The following FAM111B variants were observed in gnomAD, a reference collection of about 807,000 sequenced individuals.
The protein encoded by FAM111B is FAM111 trypsin like peptidase B.
A neutral mutation model predicts 2.8 loss-of-function variants in FAM111B; 1 was observed. The ratio of observed to expected loss-of-function variants is 0.36; its 90% CI spans 0.13 to 1.70. The LOEUF is 1.70. FAM111B is among the 40% of genes most tolerant of loss of function. The probability of loss-of-function intolerance (pLI) is 0.35; values close to 1 mark genes in which losing one functional copy is unlikely to be tolerated. For missense variants in FAM111B, 882 were observed against 878.9 expected (o/e 1.00, Z -0.04); for synonymous variants, 297 against 295.6 (o/e 1.00, Z -0.05).
At chr11:59,109,937 C>T in intron 3 of FAM111B, 1 of 315,112 alleles carries the variant, frequency 3.2e-6, no homozygotes, top group Non-Finnish European at 5.9e-6. Flanking sequence ...ACAATATAGA[C>T]ACTTAAAGTC....
At chr11:59,118,016 T>G (rs779961857) in intron 3 of FAM111B, among the ~76,000 whole-genome samples, 4 of 152,172 alleles carry the variant, frequency 2.6e-5, no homozygotes, top group African/African-American at 4.8e-5. Flanking sequence ...CTCTAGAGGT[T>G]TCTCATTGGT....
intron 3 of FAM111B, among the ~76,000 whole-genome samples, chr11:59,120,383 G>A (rs1009467218): frequency 1.1e-4 from 16 of 152,182 alleles, no homozygotes; most frequent in African/African-American, 3.9e-4. Flanking sequence ...AATCTCCAAG[G>A]TGATGGCATT....
chr11:59,108,818 C>T (rs1859708825), intron 2 of FAM111B, 106 bp downstream of exon 2: 1 of 152,168 alleles, frequency 6.6e-6, no homozygotes, highest in African/African-American at 2.4e-5. Context: ...TATTTATCCA[C>T]TTTTTAAGTG....
In FAM111B at chr11:59,124,926, A is replaced by G; in HGVS notation, c.829A>G (p.Lys277Glu). The change falls in exon 4 of 4, where the codon AAA becomes GAA. Residue 277 changes from lysine to glutamate, a missense_variant. Physicochemically the swap from Lys to Glu is moderately conservative, Grantham distance 56. Coordinates refer to ENST00000343597, the MANE Select transcript of FAM111B (RefSeq NM_198947.4). ...TTCAAAAAAAAAAGCATTACAACAG[A>G]AAGATATCCATAAAAAAATTAAACA... ...DISKKKALQQ[K>E]DIHKKIKQNE... 6.2e-7 allele frequency: 1 copy of G among 1,605,870 alleles called. No individual in the cohort carries two copies. Among genetic ancestry groups the G allele is most frequent in the Non-Finnish European group, 8.5e-7 (1 of 1,177,872 alleles).
intron 3 of FAM111B, among the ~76,000 whole-genome samples, chr11:59,118,255 T>C (rs2135399996): frequency 6.6e-6 from 1 of 152,280 alleles, no homozygotes; most frequent in East Asian, 1.9e-4. Context: ...GTGTGAATCA[T>C]CCTTAGGTTC....
In FAM111B at chr11:59,125,227, A is replaced by C; in HGVS notation, c.1130A>C (p.Asn377Thr). The C allele has an allele frequency of 1.2e-6, 2 of 1,613,986 alleles. No individual in the cohort carries two copies. The highest frequency in any genetic ancestry group is 1.1e-5 in the South Asian group (1 of 91,064). Residue 377 changes from asparagine to threonine, a missense_variant, in exon 4 of 4, where the codon AAT becomes ACT. Transcript: ENST00000343597. ...RPHLGRRYAINLDVQKEAINL... is the reference protein window; with the variant it reads ...RPHLGRRYAITLDVQKEAINL... ...CATCTGGGTAGGCGGTATGCTATTA[A>C]TCTGGATGTCCAAAAGGAGGCAATT...
chr11:59,111,588 A>T (rs1859759266), intron 3 of FAM111B, among the ~76,000 whole-genome samples: 1 of 152,218 alleles, frequency 6.6e-6, no homozygotes. Context: ...ATTTAAATTC[A>T]ACTTAACTAA....
At chr11:59,116,802 C>G (rs1212858145) in intron 3 of FAM111B, among the ~76,000 whole-genome samples, 1 of 152,200 alleles carries the variant, frequency 6.6e-6, no homozygotes, top group Non-Finnish European at 1.5e-5. Flanking sequence ...TTTCAAGAAA[C>G]CCCCAGGTGA....
At chr11:59,118,530 C>T (rs1048520691) in intron 3 of FAM111B, among the ~76,000 whole-genome samples, 3 of 152,212 alleles carry the variant, frequency 2.0e-5, no homozygotes, top group African/African-American at 7.2e-5. Flanking sequence ...TAATTTCTTT[C>T]TGATCCAGAT....
At position 59,124,860 on chromosome 11, in the gene FAM111B, A is replaced by G. The variant is rs763871323; in HGVS notation, c.763A>G (p.Met255Val). The change falls in exon 4 of 4, where the codon ATG becomes GTG. Residue 255 changes from methionine to valine, a missense_variant. By Grantham distance (21) the Met-to-Val change is conservative (BLOSUM62 1). Transcript: ENST00000343597. ...TAAGAAAATTTATGGAAAACAGTCCATGGTGGATGAAGTATCTGGAAAAGT... is the reference window on the plus strand; with the variant it reads ...TAAGAAAATTTATGGAAAACAGTCCGTGGTGGATGAAGTATCTGGAAAAGT... ...GHKKIYGKQS[M>V]VDEVSGKVLE... 1.9e-6 allele frequency: 3 copies of G among 1,613,168 alleles called. No individual in the cohort carries two copies. Among genetic ancestry groups the G allele is most frequent in the Non-Finnish European group, 1.7e-6 (2 of 1,179,622 alleles).
Position 59,126,622 on chromosome 11 carries a change from T to C in FAM111B, c.*320T>C, listed in dbSNP as rs930300478. ...AACAAACACTTTTCAAAAGAAGATA[T>C]ACACATGGCCAACAAGGATATGAAA... On this transcript the variant is annotated 3_prime_UTR_variant, in exon 4 of 4. Coordinates refer to ENST00000343597, the MANE Select transcript of FAM111B (RefSeq NM_198947.4). The C allele has an allele frequency of 9.8e-6, 2 of 204,410 alleles. No individual in the cohort carries two copies. Among genetic ancestry groups the C allele is most frequent in the Admixed American group, 1.2e-4 (2 of 16,836 alleles). The allele number at this position is 204,410 out of a possible 1,614,324, so 12.7% of individuals were successfully genotyped here.
In FAM111B at chr11:59,126,492, CTA is replaced by C. The variant is rs986069899; in HGVS notation, c.*192_*193del. The C allele has an allele frequency of 1.4e-4, 68 of 474,308 alleles. 1 individual carries two copies. In the Admixed American group the frequency reaches 1.5e-3, roughly 10 times the overall value. The allele number at this position is 474,308 out of a possible 1,614,324, so 29.4% of individuals were successfully genotyped here. A position where few individuals can be genotyped will look rare whatever the true frequency, so the allele number is the denominator to read the frequency against. Reference sequence around the variant, plus strand: ...CGGAATGGGAGAAAATATTTGCAAACTATGCATACAGCAAAGATCTAATATTC... The same window carrying C: ...CGGAATGGGAGAAAATATTTGCAAACTGCATACAGCAAAGATCTAATATTC... On this transcript the variant is annotated 3_prime_UTR_variant, in exon 4 of 4. Coordinates refer to ENST00000343597, the MANE Select transcript of FAM111B (RefSeq NM_198947.4).
rs756262360 is a variant in FAM111B at position 59,124,919 on chromosome 11, A to G, written c.822A>G (p.Leu274=). ...LEMDISKKKA[L]QQKDIHKKIK... ...TGGACATTTCAAAAAAAAAAGCATT[A>G]CAACAGAAAGATATCCATAAAAAAA... is the stretch of plus-strand genomic sequence containing the variant. Residue 274 remains leucine, a synonymous_variant, in exon 4 of 4, where the codon TTA becomes TTG. Transcript: ENST00000343597. 3 of 1,601,166 alleles carry G rather than the reference A, an allele frequency of 1.9e-6. No individual in the cohort carries two copies. Among genetic ancestry groups the G allele is most frequent in the Admixed American group, 3.5e-5 (2 of 56,962 alleles).
intron 3 of FAM111B, among the ~76,000 whole-genome samples, chr11:59,114,291 G>A (rs776323745): frequency 3.8e-4 from 58 of 152,286 alleles, no homozygotes; most frequent in Middle Eastern, 6.8e-3. Context: ...GTGGACAGGG[G>A]CCAGAACACT....
rs1859826021 is a variant in FAM111B, at chr11:59,115,567, G to C, written c.81+5861G>C. Among the ~76,000 whole-genome samples, 4 of 152,358 alleles carry C rather than the reference G, an allele frequency of 2.6e-5. No individual in the cohort carries two copies. The South Asian group carries it at 8.3e-4, about 32-fold the overall frequency. ...TACAAGGGAGACAGCACTGGAGTGA[G>C]AGTTCTCCAGATGGCTCCCCAAGGA... On this transcript the variant is annotated intron_variant, in intron 3 of 3. Coordinates refer to ENST00000343597, the MANE Select transcript of FAM111B (RefSeq NM_198947.4).
chr11:59,111,573 T>A (rs1173649423), intron 3 of FAM111B, among the ~76,000 whole-genome samples: 5 of 152,182 alleles, frequency 3.3e-5, no homozygotes, highest in African/African-American at 4.8e-5. Context: ...ATTATGTAAA[T>A]TTAAATTTAA....
At chr11:59,109,488 CCA>C in intron 2 of FAM111B, 50 bp from the exon 3 acceptor site, 1 of 561,236 alleles carries the variant, frequency 1.8e-6, no homozygotes, top group South Asian at 2.4e-5. Flanking sequence ...CACCTGATCT[CCA>C]GTGTTTGAAA....
rs1859973293 is a variant in FAM111B at position 59,124,344 on chromosome 11, T to G, written c.247T>G (p.Phe83Val). Reference sequence around the variant, plus strand: ...GAACAATAAAGAATGTTGTTTCACCTTTACGTTGAATGGAAACTCCAGAAA... The same window carrying G: ...GAACAATAAAGAATGTTGTTTCACCGTTACGTTGAATGGAAACTCCAGAAA... ...NLNNKECCFTFTLNGNSRKLD... is the reference protein window; with the variant it reads ...NLNNKECCFTVTLNGNSRKLD... The change falls in exon 4 of 4, where the codon TTT becomes GTT. Residue 83 changes from phenylalanine (F) to valine (V), a missense_variant. Transcript: ENST00000343597. The G allele has an allele frequency of 6.2e-7, 1 of 1,613,714 alleles. No homozygotes were observed. The highest frequency in any genetic ancestry group is 1.7e-5 in the Admixed American group (1 of 59,980).
chr11:59,122,778 A>G (rs1421295902), intron 3 of FAM111B, among the ~76,000 whole-genome samples: 3 of 152,178 alleles, frequency 2.0e-5, no homozygotes, highest in Non-Finnish European at 2.9e-5. Flanking sequence ...GGCAATAAGT[A>G]TATGAAAACA....
Sources: allele counts gnomAD v4.1 joint callset (sites outside exome capture counted in the v4.1 genomes callset), GRCh38; gene constraint gnomAD v4.1.1; transcripts MANE v1.5; gene names NCBI Gene and HGNC (gene_info 2026-07-23, HGNC 2026-07-21).